The following TENM2 variants were observed in gnomAD, a reference collection of about 807,000 sequenced individuals.
TENM2 encodes the protein teneurin-2.
In TENM2, 52 loss-of-function variants were observed where a neutral mutation model predicts 245.2. The ratio of observed to expected loss-of-function variants is 0.21; its 90% CI spans 0.17 to 0.27. The LOEUF is 0.27. Ranked by LOEUF, TENM2 falls within the 10% of genes least tolerant of loss-of-function variation. The pLI, the probability that TENM2 is intolerant of heterozygous loss-of-function variation, is 1.00. For missense variants in TENM2, 3,046 were observed against 3,666.8 expected (o/e 0.83, Z 4.37); for synonymous variants, 1,363 against 1,438.9 (o/e 0.95, Z 1.19).
At chr5:168,243,813 G>A (rs1766310646) in intron 25 of TENM2, among the ~76,000 whole-genome samples, 1 of 152,060 alleles carries the variant, frequency 6.6e-6, no homozygotes, top group Admixed American at 6.6e-5. Context: ...ATTGTGCAGT[G>A]CACAGCCTAC....
the TENM2 span, among the ~76,000 whole-genome samples, chr5:167,120,596 G>A: frequency 6.6e-6 from 1 of 152,142 alleles, no homozygotes; most frequent in African/African-American, 2.4e-5. Context: ...AGATTCCGTG[G>A]CAGTACCTCT....
At chr5:168,008,563 T>C (rs1213820151) in intron 5 of TENM2, among the ~76,000 whole-genome samples, 3 of 152,124 alleles carry the variant, frequency 2.0e-5, no homozygotes, top group East Asian at 1.9e-4. Flanking sequence ...GCCCCGTCAA[T>C]AATCAGTGGG....
chr5:167,837,056 G>T (rs1769065007), intron 2 of TENM2, among the ~76,000 whole-genome samples: 1 of 125,782 alleles, frequency 8.0e-6, no homozygotes, highest in African/African-American at 2.9e-5. Flanking sequence ...TAGTATATAT[G>T]TATGCCTAAG....
intron 2 of TENM2, among the ~76,000 whole-genome samples, chr5:167,407,365 G>A (rs949576866): frequency 6.6e-6 from 1 of 152,150 alleles, no homozygotes; most frequent in African/African-American, 2.4e-5. Flanking sequence ...TAAAGGAGCT[G>A]AGCTGTGTTC....
At chr5:167,256,167 G>GCC in the TENM2 span, among the ~76,000 whole-genome samples, 1 of 152,088 alleles carries the variant, frequency 6.6e-6, no homozygotes, top group Non-Finnish European at 1.5e-5. Context: ...TCTGAAACTG[G>GCC]CCCACTTGCA....
chr5:167,468,977 C>A (rs558480264), intron 2 of TENM2, among the ~76,000 whole-genome samples: 1 of 152,252 alleles, frequency 6.6e-6, no homozygotes, highest in South Asian at 2.1e-4. Context: ...TCTCTGTCTT[C>A]CTGAATAATG....
At chr5:168,057,074 T>C (rs1789606454) in intron 6 of TENM2, among the ~76,000 whole-genome samples, 1 of 152,108 alleles carries the variant, frequency 6.6e-6, no homozygotes, top group Non-Finnish European at 1.5e-5. Context: ...TGTAAAAAAA[T>C]CTATATATGT....
intron 26 of TENM2, 37 bp from the exon 29 acceptor site, chr5:168,246,720 C>T: frequency 6.3e-7 from 1 of 1,585,416 alleles, no homozygotes; most frequent in Non-Finnish European, 8.6e-7. Context: ...TCCTCAAAAG[C>T]CAACTGATAT....
intron 1 of TENM2, among the ~76,000 whole-genome samples, chr5:167,313,049 C>T (rs778531883): frequency 3.3e-5 from 5 of 151,992 alleles, no homozygotes; most frequent in Non-Finnish European, 5.9e-5. Context: ...ATTACAGGCA[C>T]GCACCACCAC....
chr5:167,437,816 T>C (rs1469301300), intron 2 of TENM2, among the ~76,000 whole-genome samples: 2 of 152,184 alleles, frequency 1.3e-5, no homozygotes, highest in African/African-American at 4.8e-5. Flanking sequence ...TGCTGTGATG[T>C]AAGACATGCC....
At chr5:167,092,265 C>A in the TENM2 span, among the ~76,000 whole-genome samples, 2 of 152,158 alleles carry the variant, frequency 1.3e-5, no homozygotes, top group Admixed American at 1.3e-4. Context: ...GGAAACACAG[C>A]CCACCCGTTG....
At chr5:168,043,833 G>T (rs1006150264) in intron 5 of TENM2, among the ~76,000 whole-genome samples, 11 of 152,146 alleles carry the variant, frequency 7.2e-5, no homozygotes, top group African/African-American at 2.7e-4. Context: ...AACCCCTCTC[G>T]GGAAGGGGTG....
At chr5:167,941,655 C>T (rs971248314) in intron 3 of TENM2, among the ~76,000 whole-genome samples, 6 of 143,290 alleles carry the variant, frequency 4.2e-5, no homozygotes, top group South Asian at 2.3e-4. Context: ...AAGACCAGCC[C>T]GGGCAACATA....
intron 7 of TENM2, 92 bp downstream of exon 9, chr5:168,062,357 G>A (rs1189476749): frequency 1.0e-6 from 1 of 982,776 alleles, no homozygotes; most frequent in African/African-American, 1.6e-5. Context: ...CCACTACAAT[G>A]CCTATAATTA....
rs113575893 is a variant in TENM2, at chr5:167,756,221, G to GAT, written c.503-119752_503-119751dup. 1.9e-3 allele frequency among the ~76,000 whole-genome samples: 290 copies of GAT among 150,968 alleles called. 1 individual carries two copies. The highest frequency in any genetic ancestry group is 4.3e-3 in the African/African-American group (177 of 41,208). ...CTAAGTTGCTGTTTCCATGTTGTAT[G>GAT]ATATATATATATATGTAATCCCACT... On this transcript the variant is annotated intron_variant, in intron 2 of 28. Coordinates refer to ENST00000518659, the Ensembl canonical transcript of TENM2.
intron 2 of TENM2, among the ~76,000 whole-genome samples, chr5:167,567,681 G>A (rs182511674): frequency 1.3e-5 from 2 of 151,858 alleles, no homozygotes; most frequent in East Asian, 1.9e-4. Context: ...TGGTTGATGC[G>A]CAGCATGTGC....
chr5:167,055,274 A>C, the TENM2 span, among the ~76,000 whole-genome samples: 4 of 152,016 alleles, frequency 2.6e-5, no homozygotes, highest in Non-Finnish European at 4.4e-5. Flanking sequence ...TTCTAGCCTA[A>C]TTTTTTGAAA....
intron 2 of TENM2, among the ~76,000 whole-genome samples, chr5:167,500,931 C>T (rs1769173005): frequency 6.6e-6 from 1 of 152,224 alleles, no homozygotes; most frequent in Non-Finnish European, 1.5e-5. Context: ...CACAACTGCT[C>T]ATTTTTCTCT....
chr5:168,240,400 A>G (rs2152676660), intron 25 of TENM2, among the ~76,000 whole-genome samples: 1 of 152,358 alleles, frequency 6.6e-6, no homozygotes, highest in South Asian at 2.1e-4. Context: ...CCTGGAGGTT[A>G]AGACAGCAAG....
Sources: gnomAD v4.1 joint callset for allele counts (sites outside exome capture counted in the v4.1 genomes callset) on GRCh38, gnomAD v4.1.1 for gene constraint, MANE v1.5 for transcripts, NCBI Gene and HGNC (gene_info 2026-07-23, HGNC 2026-07-21) for gene names.